SEMA3D: variants seen among roughly 807,000 people sequenced by gnomAD.
SEMA3D encodes semaphorin 3D.
In SEMA3D, 84 loss-of-function variants were observed where a neutral mutation model predicts 100.1. That is an observed-to-expected ratio of 0.84 (90% CI 0.70 to 1.01). SEMA3D has a LOEUF of 1.01. SEMA3D is among the 50% of genes least tolerant of loss of function. The pLI is 0.00. For missense variants in SEMA3D, 875 were observed against 934.1 expected (o/e 0.94, Z 0.82); for synonymous variants, 312 against 320.7 (o/e 0.97, Z 0.29).
intron 14 of SEMA3D, 143 bp from the exon 15 acceptor site, chr7:85,018,436 G>T (rs1790165785): frequency 1.0e-5 from 6 of 598,482 alleles, no homozygotes; most frequent in South Asian, 2.2e-5. Flanking sequence ...CTTATTGTTT[G>T]CTATTTTCTT....
upstream of SEMA3D, among the ~76,000 whole-genome samples, chr7:85,188,153 T>G (rs1272991281): frequency 6.6e-6 from 1 of 152,216 alleles, no homozygotes; most frequent in Admixed American, 6.5e-5. Context: ...AAGACATTCT[T>G]CATTTGACCT....
At chr7:85,105,470 T>A (rs1427044659) in intron 3 of SEMA3D, among the ~76,000 whole-genome samples, 2 of 152,102 alleles carry the variant, frequency 1.3e-5, no homozygotes, top group African/African-American at 4.8e-5. Flanking sequence ...AATTCCCCTT[T>A]AGCAACACAA....
rs935458541 is a variant in SEMA3D, at chr7:84,996,280, A to G, written c.*3160T>C. The stretch of plus-strand genomic sequence containing the variant: ...TTTAGCTGAGTCTGTAAAATTCAGC[A>G]GGAACAAAACATACTAGAATATGAA... On this transcript the variant is annotated 3_prime_UTR_variant, in exon 19 of 19. Transcript: ENST00000284136. 6 of 152,184 alleles carry G rather than the reference A, an allele frequency of 3.9e-5. No individual in the cohort carries two copies. The highest frequency in any genetic ancestry group is 1.4e-4 in the African/African-American group (6 of 41,574). 9.4% of individuals were successfully genotyped at this position (152,184 alleles called of 1,614,324 possible).
chr7:85,107,891 GT>G (rs902506160), intron 3 of SEMA3D, among the ~76,000 whole-genome samples: 1 of 151,716 alleles, frequency 6.6e-6, no homozygotes, highest in African/African-American at 2.4e-5. Context: ...ACTGTAACAG[GT>G]TCATAAATTA....
intron 1 of SEMA3D, among the ~76,000 whole-genome samples, chr7:85,173,136 G>T (rs911161189): frequency 1.3e-5 from 2 of 151,784 alleles, no homozygotes; most frequent in Non-Finnish European, 2.9e-5. Flanking sequence ...AAGAGAGAGA[G>T]AAAGAGACAG....
chr7:85,177,971 T>C (rs1418695962), intron 1 of SEMA3D, among the ~76,000 whole-genome samples: 1 of 152,196 alleles, frequency 6.6e-6, no homozygotes, highest in Non-Finnish European at 1.5e-5. Context: ...AGTTCCCCCA[T>C]GCTGTTCTCG....
chr7:85,249,927 G>T, the SEMA3D span, among the ~76,000 whole-genome samples: 4 of 152,148 alleles, frequency 2.6e-5, no homozygotes, highest in Non-Finnish European at 5.9e-5. Flanking sequence ...CGCAGAAGAC[G>T]GGTGATTTCT....
At chr7:85,133,674 G>C (rs990302099) in intron 2 of SEMA3D, among the ~76,000 whole-genome samples, 4 of 151,922 alleles carry the variant, frequency 2.6e-5, no homozygotes, top group African/African-American at 9.7e-5. Flanking sequence ...AAGATGGTTT[G>C]GTTGTAATTT....
chr7:85,120,288 T>G (rs753417508), intron 3 of SEMA3D, among the ~76,000 whole-genome samples: 21 of 152,164 alleles, frequency 1.4e-4, no homozygotes, highest in Admixed American at 3.9e-4. Context: ...TAATGTTCAC[T>G]TGAAACTAAG....
chr7:85,177,136 T>C (rs961959261), intron 1 of SEMA3D, among the ~76,000 whole-genome samples: 5 of 152,140 alleles, frequency 3.3e-5, no homozygotes, highest in Admixed American at 6.5e-5. Flanking sequence ...ATCCCTGTCA[T>C]TAAATGATAC....
At chr7:85,141,738 A>G in intron 2 of SEMA3D, 4 of 874,102 alleles carry the variant, frequency 4.6e-6, no homozygotes, top group Non-Finnish European at 5.5e-6. Flanking sequence ...TTCTATTGAG[A>G]GAAACTGGGC....
intron 1 of SEMA3D, among the ~76,000 whole-genome samples, chr7:85,169,377 A>G (rs1390759631): frequency 1.3e-5 from 2 of 151,876 alleles, no homozygotes; most frequent in Non-Finnish European, 2.9e-5. Flanking sequence ...CTTTCTGAAC[A>G]CTAACAGGTT....
chr7:85,240,798 T>C, the SEMA3D span, among the ~76,000 whole-genome samples: 2 of 152,174 alleles, frequency 1.3e-5, no homozygotes, highest in African/African-American at 4.8e-5. Flanking sequence ...ATAGCATCCC[T>C]TTATTATCAC....
the SEMA3D span, among the ~76,000 whole-genome samples, chr7:85,249,908 C>G: frequency 1.6e-4 from 25 of 152,250 alleles, no homozygotes; most frequent in African/African-American, 5.1e-4. Context: ...CAGCTCCCAG[C>G]GTGAGCGACG....
chr7:85,144,840 T>C (rs891732124), intron 2 of SEMA3D: 2 of 240,820 alleles, frequency 8.3e-6, no homozygotes, highest in Non-Finnish European at 1.3e-5. Context: ...ATTTCAAAGA[T>C]AGAGAAATTG....
At chr7:85,167,714 C>A (rs2116536050) in intron 1 of SEMA3D, among the ~76,000 whole-genome samples, 1 of 151,788 alleles carries the variant, frequency 6.6e-6, no homozygotes, top group East Asian at 1.9e-4. Context: ...TTTCCCTCTA[C>A]AGGAAAATAT....
the SEMA3D span, among the ~76,000 whole-genome samples, chr7:85,226,185 T>C: frequency 6.6e-6 from 1 of 152,178 alleles, no homozygotes; most frequent in African/African-American, 2.4e-5. Flanking sequence ...AAATAGTCTT[T>C]ACCAGCTTGA....
chr7:85,067,627 C>T (rs556931135), intron 7 of SEMA3D, among the ~76,000 whole-genome samples: 61 of 152,240 alleles, frequency 4.0e-4, no homozygotes, highest in African/African-American at 1.4e-3. Flanking sequence ...TCAGACCACA[C>T]AGTATTGCTT....
intron 4 of SEMA3D, among the ~76,000 whole-genome samples, chr7:85,086,370 A>G (rs143672991): frequency 9.8e-4 from 149 of 152,154 alleles, no homozygotes; most frequent in African/African-American, 3.3e-3. Flanking sequence ...CCTAATTGAT[A>G]AAGAATTTAA....
Sources: allele counts gnomAD v4.1 joint callset (sites outside exome capture counted in the v4.1 genomes callset), GRCh38; gene constraint gnomAD v4.1.1; transcripts MANE v1.5; gene names NCBI Gene and HGNC (gene_info 2026-07-23, HGNC 2026-07-21).